NFIB: variants seen among roughly 807,000 people sequenced by gnomAD.
NFIB encodes the protein nuclear factor I B.
A neutral mutation model predicts 61.5 loss-of-function variants in NFIB; 11 were observed. That is an observed-to-expected ratio of 0.18 (90% CI 0.11 to 0.30). The LOEUF is 0.30. NFIB is among the 10% of genes least tolerant of loss of function. The probability of loss-of-function intolerance (pLI) is 1.00; values close to 1 mark genes in which losing one functional copy is unlikely to be tolerated. For missense variants in NFIB, 471 were observed against 608.9 expected, an observed-to-expected ratio of 0.77 and a Z score of 2.38; for synonymous variants, 260 against 216.5, an observed-to-expected ratio of 1.20 and a Z score of -1.76.
At chr9:14,477,371 AT>A in the NFIB span, among the ~76,000 whole-genome samples, 1 of 152,256 alleles carries the variant, frequency 6.6e-6, no homozygotes, top group Non-Finnish European at 1.5e-5. Flanking sequence ...TTCTGGGTAT[AT>A]ATAAGTGAAT....
chr9:14,236,323 A>G lies in NFIB; in HGVS notation c.563-56543T>C, dbSNP rs1409891490. Among the ~76,000 whole-genome samples the G allele has an allele frequency of 2.0e-5, 3 of 152,372 alleles. No homozygotes were observed. In the East Asian group the frequency reaches 5.8e-4, roughly 29 times the overall value. Reference sequence around the variant, plus strand: ...CCTTGTGTTTGCAATCTCCAGAGAAAGCACTCCTTAATTTCATCATAGTGG... The same window carrying G: ...CCTTGTGTTTGCAATCTCCAGAGAAGGCACTCCTTAATTTCATCATAGTGG... On this transcript the variant is annotated intron_variant, in intron 2 of 10. Coordinates refer to ENST00000380953, the MANE Select transcript of NFIB (RefSeq NM_001190737.2).
chr9:14,176,592 T>A (rs959772149), intron 3 of NFIB, among the ~76,000 whole-genome samples: 5 of 152,138 alleles, frequency 3.3e-5, no homozygotes, highest in African/African-American at 4.8e-5. Flanking sequence ...TAATATCAAA[T>A]ATTCCTTTCC....
the NFIB span, among the ~76,000 whole-genome samples, chr9:14,531,751 G>A: frequency 4.0e-5 from 6 of 151,308 alleles, no homozygotes; most frequent in East Asian, 5.8e-4. Flanking sequence ...CTATGCCCCC[G>A]GCCACAATAG....
At chr9:14,352,491 T>G (rs2061125368) in intron 1 of NFIB, among the ~76,000 whole-genome samples, 1 of 152,222 alleles carries the variant, frequency 6.6e-6, no homozygotes, top group African/African-American at 2.4e-5. Flanking sequence ...TCTTTTGCAC[T>G]GTTCCTCCTG....
intron 1 of NFIB, among the ~76,000 whole-genome samples, chr9:14,337,115 T>A (rs562325522): frequency 3.2e-4 from 48 of 152,348 alleles, no homozygotes; most frequent in African/African-American, 9.1e-4. Flanking sequence ...GTTAACAGGT[T>A]CTATTTGGCT....
Position 14,307,878 on chromosome 9 carries a change from A to G in NFIB, c.31-358T>C, listed in dbSNP as rs1027720326. On this transcript the variant is annotated intron_variant, in intron 1 of 10. Coordinates refer to ENST00000380953, the MANE Select transcript of NFIB (RefSeq NM_001190737.2). The surrounding 1 kb of genome is among the most constrained non-coding windows in gnomAD (Gnocchi z 5.3). The stretch of plus-strand genomic sequence containing the variant: ...AACTAAGGTGCTTGGCACCTAATAT[A>G]GTATTTCAATATTTGATTGACCAAC... The G allele has an allele frequency of 5.6e-6, 1 of 178,326 alleles. No individual in the cohort carries two copies. The highest frequency in any genetic ancestry group is 1.2e-5 in the Non-Finnish European group (1 of 83,292). 11.0% of individuals were successfully genotyped at this position (178,326 alleles called of 1,614,324 possible).
At chr9:14,318,896 C>G (rs1238542708), upstream of NFIB, among the ~76,000 whole-genome samples, 1 of 152,148 alleles carries the variant, frequency 6.6e-6, no homozygotes, top group Non-Finnish European at 1.5e-5. Flanking sequence ...AGCTCTTAAA[C>G]TACTACTGAG....
intron 2 of NFIB, among the ~76,000 whole-genome samples, chr9:14,211,036 A>C (rs770217331): frequency 3.9e-5 from 6 of 152,210 alleles, no homozygotes; most frequent in Non-Finnish European, 8.8e-5. Flanking sequence ...TGAAAGCCAG[A>C]TACTCAACAA....
At chr9:14,503,108 G>A in the NFIB span, among the ~76,000 whole-genome samples, 13 of 144,854 alleles carry the variant, frequency 9.0e-5, no homozygotes, top group South Asian at 1.3e-3. Flanking sequence ...ATATATATAT[G>A]TGTGTATGTG....
the NFIB span, among the ~76,000 whole-genome samples, chr9:14,440,760 C>A: frequency 6.6e-6 from 1 of 152,282 alleles, no homozygotes; most frequent in South Asian, 2.1e-4. Context: ...CACTACATTA[C>A]GTGTTCATGT....
At chr9:14,267,356 A>G (rs982233995) in intron 2 of NFIB, among the ~76,000 whole-genome samples, 1 of 152,314 alleles carries the variant, frequency 6.6e-6, no homozygotes, top group African/African-American at 2.4e-5. Context: ...CTTCTTATAG[A>G]TAGCTTTCTG....
chr9:14,255,417 T>G (rs1416901482), intron 2 of NFIB, among the ~76,000 whole-genome samples: 1 of 152,212 alleles, frequency 6.6e-6, no homozygotes, highest in African/African-American at 2.4e-5. Context: ...TATCAATGAC[T>G]GTGAGCATCT....
intron 2 of NFIB, among the ~76,000 whole-genome samples, chr9:14,219,381 T>TAAAGAAAAAAAAA (rs2051351900): frequency 1.4e-5 from 1 of 73,504 alleles, no homozygotes; most frequent in Non-Finnish European, 2.4e-5. Flanking sequence ...AGCACTAGGG[T>TAAAGAAAAAAAAA]AAAAAAAAAA....
At chr9:14,127,638 T>C (rs1444530340) in intron 6 of NFIB, among the ~76,000 whole-genome samples, 1 of 152,198 alleles carries the variant, frequency 6.6e-6, no homozygotes, top group African/African-American at 2.4e-5. Context: ...TTGAGTTTTC[T>C]TGAAATTAGA....
intron 10 of NFIB, among the ~76,000 whole-genome samples, chr9:14,100,606 G>C (rs1047066791): frequency 2.0e-5 from 3 of 152,092 alleles, no homozygotes; most frequent in African/African-American, 7.2e-5. Flanking sequence ...GCTACGGAGG[G>C]GGCTGAGGCA....
At chr9:14,155,972 T>C (rs974634106) in intron 3 of NFIB, 79 bp from the exon 4 acceptor site, 16 of 861,540 alleles carry the variant, frequency 1.9e-5, no homozygotes, top group Non-Finnish European at 2.6e-5. Flanking sequence ...AATTTAAGTG[T>C]TTTAAAGCCA....
In NFIB at chr9:14,343,833, C is replaced by CG. The variant is rs112857839; in HGVS notation, c.109-36314dup. 8.3e-3 allele frequency among the ~76,000 whole-genome samples: 720 copies of CG among 87,254 alleles called. 4 individuals carry two copies. The highest frequency in any genetic ancestry group is 0.012 in the Middle Eastern group (2 of 162). 57.2% of individuals were successfully genotyped at this position (87,254 alleles called of 152,430 possible). A position where few individuals can be genotyped will look rare whatever the true frequency, so the allele number is the denominator to read the frequency against. ...GGGCTGCTTGGGGACAAGGGGGGGT[C>CG]GGGGGGGGAAGTGTGCCAGAAACCT... On this transcript the variant is annotated intron_variant, in intron 1 of 8. Transcript: ENST00000380934.
the NFIB span, among the ~76,000 whole-genome samples, chr9:14,426,706 C>G: frequency 6.6e-6 from 1 of 152,282 alleles, no homozygotes; most frequent in African/African-American, 2.4e-5. Context: ...TCCAGGAGCA[C>G]CCAGGAGGAC....
At chr9:14,305,616 A>G (rs2059976573) in intron 2 of NFIB, 1 of 158,934 alleles carries the variant, frequency 6.3e-6, no homozygotes, top group Admixed American at 6.5e-5. Flanking sequence ...CTAAAAGTGC[A>G]ATGTCCAACA....
Sources: gnomAD v4.1 joint callset for allele counts (sites outside exome capture counted in the v4.1 genomes callset) on GRCh38, gnomAD v4.1.1 for gene constraint, Gnocchi (gnomAD v3.1) non-coding constraint, MANE v1.5 for transcripts, NCBI Gene and HGNC (gene_info 2026-07-23, HGNC 2026-07-21) for gene names.